The following MTSS1 variants were observed in gnomAD, a reference collection of about 807,000 sequenced individuals.
MTSS1 encodes MTSS I-BAR domain containing 1.
In MTSS1, 18 loss-of-function variants were observed where a neutral mutation model predicts 79.0. That is an observed-to-expected ratio of 0.23 (90% confidence interval 0.16 to 0.34). MTSS1 has a LOEUF of 0.34. Ranked by LOEUF, MTSS1 falls within the 10% of genes least tolerant of loss-of-function variation. MTSS1 has a pLI of 1.00. For synonymous variants in MTSS1, 341 were observed against 368.6 expected (o/e 0.93, Z 0.86); for missense variants, 815 against 986.2 (o/e 0.83, Z 2.33).
At chr8:124,567,017 T>G in intron 8 of MTSS1, 54 bp downstream of exon 8, 561 of 1,404,254 alleles carry the variant, frequency 4.0e-4, no homozygotes, top group Middle Eastern at 5.3e-4. Flanking sequence ...CTCAGGGCCT[T>G]GAGCTTTTAC....
In MTSS1 at chr8:124,704,403, C is replaced by T. The variant is rs574120606; in HGVS notation, c.73-212G>A. 1.1e-4 allele frequency among the ~76,000 whole-genome samples: 16 copies of T among 152,348 alleles called. 1 individual carries two copies. Among genetic ancestry groups the T allele is most frequent in the Admixed American group, 3.9e-4 (6 of 15,302 alleles). On this transcript the variant is annotated intron_variant, in intron 1 of 13. Transcript: ENST00000518547. ...AGTTCCTATAATCTTGTAAATACTA[C>T]AAACATCAACTGAACTAGTTTGGCA...
At position 124,567,108 on chromosome 8, in the gene MTSS1, G is replaced by T; in HGVS notation, c.689C>A (p.Thr230Asn). 2 of 1,614,122 alleles carry T rather than the reference G, an allele frequency of 1.2e-6. No individual in the cohort carries two copies. Among genetic ancestry groups the T allele is most frequent in the Non-Finnish European group, 1.7e-6 (2 of 1,179,974 alleles). ...GGAGGGCAGTTTGTGAGGGTCCATG[G>T]TCAGGCTTTTTAGATCTTCCGAGAT... ...QTISEDLKSL[T>N]MDPHKLPSSS... Residue 230 changes from threonine (T) to asparagine (N), a missense_variant, in exon 8 of 14, where the codon ACC becomes AAC. Coordinates refer to ENST00000518547, the MANE Select transcript of MTSS1 (RefSeq NM_014751.6).
At chr8:124,583,453 C>A (rs1394102200) in intron 6 of MTSS1, among the ~76,000 whole-genome samples, 3 of 152,208 alleles carry the variant, frequency 2.0e-5, no homozygotes, top group Non-Finnish European at 4.4e-5. Context: ...TGCAATCACC[C>A]TATCAGGCTT....
In MTSS1 at chr8:124,598,430, G is replaced by C. The variant is rs184325705; in HGVS notation, c.209-7195C>G. Among the ~76,000 whole-genome samples, 498 of 152,206 alleles carry C rather than the reference G, an allele frequency of 3.3e-3. 1 individual carries two copies. The highest frequency in any genetic ancestry group is 0.011 in the African/African-American group (469 of 41,528). On this transcript the variant is annotated intron_variant, in intron 3 of 13. Coordinates refer to ENST00000518547, the MANE Select transcript of MTSS1 (RefSeq NM_014751.6). ...CATGACAACTAGAAATGTCCCCAGG[G>C]GGCAAACTCGTCCCTGGTGAGCACT...
intron 3 of MTSS1, among the ~76,000 whole-genome samples, chr8:124,631,409 C>T (rs1047597416): frequency 7.9e-5 from 12 of 152,216 alleles, no homozygotes; most frequent in Admixed American, 4.6e-4. Context: ...TAGGAAAAGA[C>T]GAGCGCTACA....
At chr8:124,611,953 T>C (rs1260029836) in intron 3 of MTSS1, among the ~76,000 whole-genome samples, 1 of 152,230 alleles carries the variant, frequency 6.6e-6, no homozygotes, top group Non-Finnish European at 1.5e-5. Flanking sequence ...ACAGCTCTGC[T>C]GCCTGTGGGG....
intron 3 of MTSS1, among the ~76,000 whole-genome samples, chr8:124,687,096 T>C (rs1294912943): frequency 6.6e-6 from 1 of 152,144 alleles, no homozygotes; most frequent in East Asian, 1.9e-4. Flanking sequence ...GCTCACTAAA[T>C]AGCACACTCT....
chr8:124,688,261 A>G (rs375640475), intron 3 of MTSS1, among the ~76,000 whole-genome samples: 1 of 151,094 alleles, frequency 6.6e-6, no homozygotes, highest in African/African-American at 2.4e-5. Context: ...GTGTGTGTGC[A>G]TGTGTATGTG....
At chr8:124,693,488 T>G (rs1333550308) in intron 3 of MTSS1, among the ~76,000 whole-genome samples, 1 of 152,198 alleles carries the variant, frequency 6.6e-6, no homozygotes, top group East Asian at 1.9e-4. Flanking sequence ...CCATGGCATT[T>G]ACCAAAATCT....
At chr8:124,651,450 CTTT>C (rs879654879) in intron 3 of MTSS1, among the ~76,000 whole-genome samples, 1 of 139,542 alleles carries the variant, frequency 7.2e-6, no homozygotes, top group Admixed American at 7.3e-5. Context: ...TCCACATGGT[CTTT>C]TTTTTTTTGG....
In MTSS1 at chr8:124,557,792, C is replaced by A; in HGVS notation, c.1119G>T (p.Leu373=). 6.2e-7 allele frequency: 1 copy of A among 1,605,036 alleles called. No homozygotes were observed. Among genetic ancestry groups the A allele is most frequent in the Admixed American group, 1.7e-5 (1 of 58,856 alleles). ...CCCGAGGGAGCAGGCGGGAGGCAGG[C>A]AGGCAATGAGGGAAAAGGCCTGCAC... ...PTGAGLFPHC[L]PASRLLPRVT... Residue 373 remains leucine, a synonymous_variant, in exon 11 of 14, where the codon CTG becomes CTT. Transcript: ENST00000518547.
At chr8:124,678,053 C>T (rs1332620023) in intron 3 of MTSS1, among the ~76,000 whole-genome samples, 6 of 152,010 alleles carry the variant, frequency 3.9e-5, no homozygotes, top group African/African-American at 1.4e-4. Context: ...CATTTTGATC[C>T]CCGAGAGATT....
chr8:124,692,029 A>ATTT (rs540850674), intron 3 of MTSS1, among the ~76,000 whole-genome samples: 2 of 136,384 alleles, frequency 1.5e-5, no homozygotes. Context: ...AATTACCCTG[A>ATTT]TTTTTTTTTT....
intron 3 of MTSS1, among the ~76,000 whole-genome samples, chr8:124,686,329 A>C (rs1471971499): frequency 6.6e-6 from 1 of 151,902 alleles, no homozygotes; most frequent in Non-Finnish European, 1.5e-5. Context: ...TAATCTTCTG[A>C]AAACAAAAAA....
chr8:124,612,226 G>A (rs573290108), intron 3 of MTSS1, among the ~76,000 whole-genome samples: 7 of 152,292 alleles, frequency 4.6e-5, no homozygotes, highest in Non-Finnish European at 8.8e-5. Context: ...AGCAGCTCCT[G>A]ACCACAAGGC....
intron 10 of MTSS1, 69 bp from the exon 11 acceptor site, chr8:124,557,944 C>T: frequency 1.6e-6 from 2 of 1,252,214 alleles, no homozygotes; most frequent in Non-Finnish European, 2.2e-6. Context: ...TGCGGAGATA[C>T]AAAATGGCAT....
At chr8:124,660,434 A>G (rs908111822) in intron 3 of MTSS1, among the ~76,000 whole-genome samples, 5 of 81,554 alleles carry the variant, frequency 6.1e-5, no homozygotes, top group South Asian at 3.6e-4. Context: ...ATGCGCATGC[A>G]CACACACACA....
chr8:124,621,299 T>C (rs753554725), intron 3 of MTSS1, among the ~76,000 whole-genome samples: 6 of 152,226 alleles, frequency 3.9e-5, no homozygotes, highest in African/African-American at 7.2e-5. Flanking sequence ...TTAATGGTCT[T>C]AGGTTTTGTT....
chr8:124,692,227 G>A (rs1164012059), intron 3 of MTSS1, among the ~76,000 whole-genome samples: 2 of 151,292 alleles, frequency 1.3e-5, no homozygotes, highest in African/African-American at 2.4e-5. Flanking sequence ...CCAGGATCTC[G>A]CCATGTTGAC....
Sources: gnomAD v4.1 joint callset for allele counts (sites outside exome capture counted in the v4.1 genomes callset) on GRCh38, gnomAD v4.1.1 for gene constraint, MANE v1.5 for transcripts, NCBI Gene and HGNC (gene_info 2026-07-23, HGNC 2026-07-21) for gene names.